The following CAMTA1 variants were observed in gnomAD, a reference collection of about 807,000 sequenced individuals.
CAMTA1 encodes the protein calmodulin-binding transcription activator 1.
A neutral mutation model predicts 170.9 loss-of-function variants in CAMTA1; 27 were observed. The ratio of observed to expected loss-of-function variants is 0.16; its 90% CI spans 0.12 to 0.22. The LOEUF is 0.22. Ranked by LOEUF, CAMTA1 falls within the 10% of genes least tolerant of loss-of-function variation. The pLI is 1.00. For missense variants in CAMTA1, 1,619 were observed against 2,217.2 expected, an observed-to-expected ratio of 0.73 and a Z score of 5.42; for synonymous variants, 833 against 891.5, an observed-to-expected ratio of 0.93 and a Z score of 1.17.
chr1:7,377,015 G>A (rs1196131033), intron 5 of CAMTA1, among the ~76,000 whole-genome samples: 1 of 152,138 alleles, frequency 6.6e-6, no homozygotes. Flanking sequence ...GCTCTGCCCA[G>A]GCAAGATGGC....
chr1:6,835,646 C>T (rs1269399299), intron 3 of CAMTA1, among the ~76,000 whole-genome samples: 1 of 152,126 alleles, frequency 6.6e-6, no homozygotes, highest in Non-Finnish European at 1.5e-5. Flanking sequence ...ATCTCAGCCT[C>T]CTGGAAGTGT....
At chr1:6,917,140 A>T (rs1892261) in intron 3 of CAMTA1, among the ~76,000 whole-genome samples, 3 of 151,880 alleles carry the variant, frequency 2.0e-5, no homozygotes, top group Admixed American at 1.3e-4. Context: ...CCAGGGAGAG[A>T]GTGGCATGTT....
At chr1:7,495,275 G>A (rs2093808788) in intron 6 of CAMTA1, among the ~76,000 whole-genome samples, 1 of 152,140 alleles carries the variant, frequency 6.6e-6, no homozygotes, top group African/African-American at 2.4e-5. Flanking sequence ...TTTCCCACTG[G>A]GCTTTGTCAT....
chr1:7,310,706 CTT>C (rs749310925), intron 5 of CAMTA1, among the ~76,000 whole-genome samples: 1,751 of 57,296 alleles, frequency 0.031, 101 homozygotes, highest in Middle Eastern at 0.051. Context: ...CTCTCTCTTT[CTT>C]TCTTTCTTTC....
At chr1:7,630,459 T>A (rs1444915596) in intron 6 of CAMTA1, among the ~76,000 whole-genome samples, 6 of 152,234 alleles carry the variant, frequency 3.9e-5, no homozygotes, top group African/African-American at 1.4e-4. Flanking sequence ...GCCGGCATGG[T>A]TCCCGGAACC....
At chr1:7,558,813 T>C (rs1343186505) in intron 6 of CAMTA1, among the ~76,000 whole-genome samples, 1 of 152,256 alleles carries the variant, frequency 6.6e-6, no homozygotes, top group Non-Finnish European at 1.5e-5. Flanking sequence ...GCAGCTGTAG[T>C]CATTAAGATA....
At chr1:7,257,692 G>A (rs1051613864) in intron 5 of CAMTA1, among the ~76,000 whole-genome samples, 1 of 141,334 alleles carries the variant, frequency 7.1e-6, no homozygotes, top group East Asian at 2.0e-4. Context: ...CCAGTTAAAT[G>A]TGAATTTCAG....
intron 5 of CAMTA1, among the ~76,000 whole-genome samples, chr1:7,347,288 C>T (rs2084294493): frequency 6.6e-6 from 1 of 152,176 alleles, no homozygotes. Context: ...GGACTCATCC[C>T]TCATTTTCTC....
chr1:7,502,011 C>T (rs1483961457), intron 6 of CAMTA1, among the ~76,000 whole-genome samples: 1 of 152,254 alleles, frequency 6.6e-6, no homozygotes, highest in East Asian at 1.9e-4. Context: ...AGGGGATCCT[C>T]TGCCTTGGCT....
chr1:7,253,262 C>T (rs964442350), intron 5 of CAMTA1, among the ~76,000 whole-genome samples: 1 of 152,176 alleles, frequency 6.6e-6, no homozygotes, highest in Non-Finnish European at 1.5e-5. Flanking sequence ...TGTGAAGCAT[C>T]ACCCTGGTTC....
intron 5 of CAMTA1, among the ~76,000 whole-genome samples, chr1:7,332,587 T>G (rs1252827367): frequency 2.0e-5 from 3 of 152,214 alleles, no homozygotes; most frequent in African/African-American, 7.2e-5. Context: ...CATCCAGAAC[T>G]TTTTAGTTTA....
At chr1:7,683,937 G>A (rs1342240056) in intron 11 of CAMTA1, among the ~76,000 whole-genome samples, 1 of 152,210 alleles carries the variant, frequency 6.6e-6, no homozygotes, top group Non-Finnish European at 1.5e-5. Context: ...GGAGCCAGCT[G>A]TGCTCCTCAG....
intron 3 of CAMTA1, among the ~76,000 whole-genome samples, chr1:6,956,498 G>A (rs1689480372): frequency 6.6e-6 from 1 of 151,832 alleles, no homozygotes; most frequent in Non-Finnish European, 1.5e-5. Context: ...ATAGTTGTGA[G>A]ATGAAAACAT....
rs59128663 is a variant in CAMTA1, at chr1:7,495,212, C to T, written c.510+27311C>T. ...AGCAAGCCTGCATCCTCGTGAGAGA[C>T]GGAAGATCTGGAGAGTTTCGGGGGG... On this transcript the variant is annotated intron_variant, in intron 6 of 22. Coordinates refer to ENST00000303635, the MANE Select transcript of CAMTA1 (RefSeq NM_015215.4). 3.4e-3 allele frequency among the ~76,000 whole-genome samples: 524 copies of T among 152,318 alleles called. 4 individuals carry two copies. The highest frequency in any genetic ancestry group is 0.012 in the African/African-American group (496 of 41,568).
intron 5 of CAMTA1, among the ~76,000 whole-genome samples, chr1:7,399,381 T>G (rs1019493379): frequency 6.6e-6 from 1 of 152,204 alleles, no homozygotes; most frequent in African/African-American, 2.4e-5. Flanking sequence ...ATGCCATGCT[T>G]CTAATACAGC....
intron 3 of CAMTA1, among the ~76,000 whole-genome samples, chr1:6,972,061 G>T (rs1044536606): frequency 6.6e-6 from 1 of 152,154 alleles, no homozygotes; most frequent in Non-Finnish European, 1.5e-5. Flanking sequence ...TAGAGTGAAG[G>T]CCCCAGAAGG....
intron 5 of CAMTA1, among the ~76,000 whole-genome samples, chr1:7,428,135 G>A (rs2149346433): frequency 6.6e-6 from 1 of 152,252 alleles, no homozygotes; most frequent in South Asian, 2.1e-4. Flanking sequence ...GGGAGGGTGG[G>A]GGCAGGAAGT....
chr1:7,463,833 G>A lies in CAMTA1; in HGVS notation c.439-3997G>A, dbSNP rs547532428. Among the ~76,000 whole-genome samples the A allele has an allele frequency of 3.3e-5, 5 of 152,336 alleles. No individual in the cohort carries two copies. The highest frequency in any genetic ancestry group is 6.5e-5 in the Admixed American group (1 of 15,310). On this transcript the variant is annotated intron_variant, in intron 5 of 22. Transcript: ENST00000303635. This position sits in a 1 kb window ranked among gnomAD's most constrained non-coding sequence, Gnocchi z 4.7. ...CCAGCCTTCAGGAGCCCTCTTTGGT[G>A]TGGGACCCCCACTGCGTTTGAGGGG...
At chr1:7,201,029 A>C (rs1656583469) in intron 4 of CAMTA1, among the ~76,000 whole-genome samples, 1 of 152,208 alleles carries the variant, frequency 6.6e-6, no homozygotes, top group Admixed American at 6.5e-5. Flanking sequence ...CATGTTATGT[A>C]GCCATCACTT....
Sources: gnomAD v4.1 joint callset for allele counts (sites outside exome capture counted in the v4.1 genomes callset) on GRCh38, gnomAD v4.1.1 for gene constraint, Gnocchi (gnomAD v3.1) non-coding constraint, MANE v1.5 for transcripts, NCBI Gene and HGNC (gene_info 2026-07-23, HGNC 2026-07-21) for gene names.